KDM4C: variants seen among roughly 807,000 people sequenced by gnomAD.
KDM4C encodes lysine-specific demethylase 4C.
KDM4C carries 81 observed loss-of-function variants against 129.3 expected under a neutral mutation model. The observed-to-expected ratio is 0.63, with a 90% CI of 0.52 to 0.75. KDM4C has a LOEUF of 0.75. KDM4C is among the 30% of genes least tolerant of loss of function. The pLI, the probability that KDM4C is intolerant of heterozygous loss-of-function variation, is 0.00. For synonymous variants in KDM4C, 573 were observed against 456.1 expected, an observed-to-expected ratio of 1.26 and a Z score of -3.26; for missense variants, 1,457 against 1,304.0, an observed-to-expected ratio of 1.12 and a Z score of -1.81.
At chr9:6,739,925 C>G (rs939185741) in intron 1 of KDM4C, among the ~76,000 whole-genome samples, 8 of 152,130 alleles carry the variant, frequency 5.3e-5, no homozygotes, top group Non-Finnish European at 1.5e-5. Flanking sequence ...GAGTCTCACT[C>G]TGTTGCCAGG....
chr9:6,778,295 G>A (rs185452091), intron 1 of KDM4C, among the ~76,000 whole-genome samples: 2 of 150,746 alleles, frequency 1.3e-5, no homozygotes, highest in Admixed American at 6.6e-5. Flanking sequence ...TCACCATGTT[G>A]GCCAGGCTGG....
chr9:6,831,256 A>G (rs893298629), intron 4 of KDM4C, among the ~76,000 whole-genome samples: 1 of 152,176 alleles, frequency 6.6e-6, no homozygotes, highest in Non-Finnish European at 1.5e-5. Context: ...GTTTTCTTTC[A>G]TGTAAAAATT....
At chr9:6,937,786 A>G (rs1825090833) in intron 8 of KDM4C, among the ~76,000 whole-genome samples, 1 of 152,082 alleles carries the variant, frequency 6.6e-6, no homozygotes, top group African/African-American at 2.4e-5. Context: ...ATCTTGGCTC[A>G]TTGCAACCTC....
chr9:7,082,635 C>T (rs1046171947), intron 17 of KDM4C, among the ~76,000 whole-genome samples: 1 of 152,148 alleles, frequency 6.6e-6, no homozygotes, highest in Admixed American at 6.5e-5. Context: ...CCTCAGCTGG[C>T]ATTTGTCTGC....
chr9:6,927,347 C>G (rs1822817766), intron 8 of KDM4C, among the ~76,000 whole-genome samples: 1 of 152,182 alleles, frequency 6.6e-6, no homozygotes, highest in Admixed American at 6.5e-5. Context: ...CCAGGCTAGT[C>G]TCGAACTTCG....
At chr9:6,868,935 T>C (rs887713446) in intron 5 of KDM4C, among the ~76,000 whole-genome samples, 4 of 152,204 alleles carry the variant, frequency 2.6e-5, no homozygotes, top group African/African-American at 9.7e-5. Context: ...TAGAAAATAT[T>C]CAGTAGACTA....
At chr9:6,844,903 G>C (rs561177940) in intron 4 of KDM4C, among the ~76,000 whole-genome samples, 1 of 152,138 alleles carries the variant, frequency 6.6e-6, no homozygotes, top group Non-Finnish European at 1.5e-5. Context: ...GGTCAGCCTG[G>C]TCTTGAACTC....
chr9:6,960,133 C>G (rs987095043), intron 8 of KDM4C, among the ~76,000 whole-genome samples: 2 of 152,012 alleles, frequency 1.3e-5, no homozygotes, highest in African/African-American at 4.8e-5. Context: ...AAAAGCTTGG[C>G]CAATATTCCT....
At chr9:6,785,951 C>T (rs1254347719) in intron 1 of KDM4C, among the ~76,000 whole-genome samples, 2 of 152,186 alleles carry the variant, frequency 1.3e-5, no homozygotes, top group Admixed American at 6.5e-5. Context: ...TTTTTCTAGC[C>T]AGAGACATAG....
At chr9:7,029,734 G>A (rs1826412868) in intron 15 of KDM4C, among the ~76,000 whole-genome samples, 1 of 152,184 alleles carries the variant, frequency 6.6e-6, no homozygotes, top group South Asian at 2.1e-4. Flanking sequence ...AGGGCTGTGG[G>A]ATTTTGTTAG....
rs573737066 is a variant in KDM4C at position 7,119,190 on chromosome 9, CTG to C, written c.2611-8872_2611-8871del. Among the ~76,000 whole-genome samples the C allele has an allele frequency of 5.5e-3, 840 of 152,068 alleles. 6 individuals carry two copies. Among genetic ancestry groups the C allele is most frequent in the Non-Finnish European group, 9.6e-3 (650 of 67,972 alleles). ...GCCTTCATTGAGTTTCATTTCATTA[CTG>C]TGTCTTTTTAGTGACAGTATATACA... On this transcript the variant is annotated intron_variant, in intron 18 of 21. Coordinates refer to ENST00000381309, the MANE Select transcript of KDM4C (RefSeq NM_015061.6).
At chr9:7,031,042 C>G (rs1826640249) in intron 15 of KDM4C, among the ~76,000 whole-genome samples, 2 of 151,906 alleles carry the variant, frequency 1.3e-5, no homozygotes, top group African/African-American at 2.4e-5. Context: ...TTCTTTTTCC[C>G]AAAATGGTTT....
chr9:6,748,528 T>G (rs1019162629), intron 1 of KDM4C, among the ~76,000 whole-genome samples: 9 of 151,522 alleles, frequency 5.9e-5, no homozygotes, highest in African/African-American at 2.2e-4. Context: ...AAAAAAAGAT[T>G]TATTATTATT....
intron 8 of KDM4C, among the ~76,000 whole-genome samples, chr9:6,933,648 A>C (rs952735858): frequency 6.6e-6 from 1 of 152,224 alleles, no homozygotes; most frequent in Non-Finnish European, 1.5e-5. Flanking sequence ...TGGTAATTTG[A>C]TAAGTATTTA....
At chr9:7,008,656 GA>G (rs1265611757) in intron 12 of KDM4C, among the ~76,000 whole-genome samples, 1 of 152,192 alleles carries the variant, frequency 6.6e-6, no homozygotes, top group Admixed American at 6.5e-5. Context: ...CACACCAGTG[GA>G]ATGTTGGTGC....
At chr9:6,799,081 C>T (rs1345428731) in intron 2 of KDM4C, among the ~76,000 whole-genome samples, 7 of 149,804 alleles carry the variant, frequency 4.7e-5, no homozygotes, top group Non-Finnish European at 7.4e-5. Flanking sequence ...ACTTTCCAGA[C>T]TGGGCATCCA....
At chr9:6,858,549 G>T (rs528066312) in intron 5 of KDM4C, among the ~76,000 whole-genome samples, 1 of 152,084 alleles carries the variant, frequency 6.6e-6, no homozygotes, top group South Asian at 2.1e-4. Flanking sequence ...CTAGGTGGGC[G>T]GATCATTTGA....
chr9:6,995,546 G>C (rs1283792881), intron 12 of KDM4C, among the ~76,000 whole-genome samples: 2 of 152,196 alleles, frequency 1.3e-5, no homozygotes, highest in Non-Finnish European at 2.9e-5. Flanking sequence ...GCACTCTTGG[G>C]ATAATGCCTC....
intron 8 of KDM4C, among the ~76,000 whole-genome samples, chr9:6,936,644 A>G (rs974642634): frequency 6.6e-6 from 1 of 152,186 alleles, no homozygotes; most frequent in Admixed American, 6.5e-5. Context: ...GAGCCTTCCC[A>G]TGGCTATTCT....
Sources: allele counts gnomAD v4.1 joint callset (sites outside exome capture counted in the v4.1 genomes callset), GRCh38; gene constraint gnomAD v4.1.1; transcripts MANE v1.5; gene names NCBI Gene and HGNC (gene_info 2026-07-23, HGNC 2026-07-21).